Variants in SUPT3H observed in about 807,000 individuals in gnomAD.
The protein encoded by SUPT3H is SPT3 homolog, SAGA and STAGA complex component.
SUPT3H carries 44 observed loss-of-function variants against 44.3 expected under a neutral mutation model. The observed-to-expected ratio is 0.99, with a 90% CI of 0.78 to 1.28. SUPT3H has a LOEUF of 1.28. Ranked by LOEUF, SUPT3H falls within the 50% of genes most tolerant of loss-of-function variation. The pLI is 0.00. For synonymous variants in SUPT3H, 124 were observed against 125.6 expected, an observed-to-expected ratio of 0.99 and a Z score of 0.09; for missense variants, 380 against 387.1, an observed-to-expected ratio of 0.98 and a Z score of 0.15.
chr6:44,865,645 C>T (rs1775383248), intron 10 of SUPT3H, among the ~76,000 whole-genome samples: 1 of 152,132 alleles, frequency 6.6e-6, no homozygotes. Flanking sequence ...ATCACAAGAA[C>T]AGTATGGGAG....
At chr6:45,047,089 A>G (rs1345478669) in intron 3 of SUPT3H, among the ~76,000 whole-genome samples, 2 of 152,228 alleles carry the variant, frequency 1.3e-5, no homozygotes, top group African/African-American at 4.8e-5. Context: ...TTAATTCTAG[A>G]AAAACTTCTT....
At chr6:45,289,187 T>C (rs1027952764) in intron 2 of SUPT3H, among the ~76,000 whole-genome samples, 22 of 152,188 alleles carry the variant, frequency 1.4e-4, no homozygotes, top group African/African-American at 5.3e-4. Context: ...TTTTTTCAAA[T>C]TATCAACCCT....
chr6:44,886,946 A>G (rs1227847341), intron 10 of SUPT3H, among the ~76,000 whole-genome samples: 2 of 152,190 alleles, frequency 1.3e-5, no homozygotes, highest in Non-Finnish European at 2.9e-5. Context: ...ATGGAAAACA[A>G]AAAAAGGCAG....
At chr6:44,985,314 T>C (rs1327064821) in intron 6 of SUPT3H, among the ~76,000 whole-genome samples, 1 of 152,062 alleles carries the variant, frequency 6.6e-6, no homozygotes, top group African/African-American at 2.4e-5. Context: ...AGAGGATCGC[T>C]TGAGCTCAGT....
intron 2 of SUPT3H, among the ~76,000 whole-genome samples, chr6:45,133,152 C>CA (rs1365636702): frequency 6.6e-6 from 1 of 152,168 alleles, no homozygotes; most frequent in African/African-American, 2.4e-5. Context: ...GCTTAGCACA[C>CA]AAATTGAGAA....
chr6:45,050,954 G>A (rs1026085007), intron 3 of SUPT3H, among the ~76,000 whole-genome samples: 1 of 137,034 alleles, frequency 7.3e-6, no homozygotes, highest in Admixed American at 8.6e-5. Context: ...GCATGATCTC[G>A]ACTCACTGCA....
intron 3 of SUPT3H, among the ~76,000 whole-genome samples, chr6:45,079,052 T>C (rs1242141866): frequency 6.6e-6 from 1 of 152,152 alleles, no homozygotes; most frequent in African/African-American, 2.4e-5. Context: ...GGCTCATGCC[T>C]ATAATCCCAG....
chr6:45,016,732 C>A (rs1318923919), intron 4 of SUPT3H, among the ~76,000 whole-genome samples: 2 of 151,948 alleles, frequency 1.3e-5, no homozygotes, highest in Non-Finnish European at 2.9e-5. Context: ...TTTTCTTAAT[C>A]CAGTCTATCA....
chr6:45,176,413 C>T (rs927633652), intron 2 of SUPT3H, among the ~76,000 whole-genome samples: 27 of 152,206 alleles, frequency 1.8e-4, no homozygotes, highest in African/African-American at 2.6e-4. Context: ...ACACCTGGCT[C>T]GGAGGGTCCT....
At chr6:44,948,347 G>A (rs956673327) in intron 9 of SUPT3H, among the ~76,000 whole-genome samples, 6 of 152,098 alleles carry the variant, frequency 3.9e-5, no homozygotes, top group Non-Finnish European at 4.4e-5. Context: ...CTTCATGACT[G>A]AAACACCAAA....
At chr6:44,971,282 C>G (rs924771005) in intron 6 of SUPT3H, among the ~76,000 whole-genome samples, 1 of 152,108 alleles carries the variant, frequency 6.6e-6, no homozygotes, top group Non-Finnish European at 1.5e-5. Flanking sequence ...TAGTCCAAGC[C>G]ACCATCATCA....
chr6:44,817,829 T>A (rs985591905), intron 11 of SUPT3H, among the ~76,000 whole-genome samples: 3 of 152,126 alleles, frequency 2.0e-5, no homozygotes, highest in Admixed American at 6.6e-5. Context: ...GAGAAAAATT[T>A]AAAAAGACCT....
At chr6:44,958,266 C>A (rs1204480278) in intron 7 of SUPT3H, among the ~76,000 whole-genome samples, 2 of 152,078 alleles carry the variant, frequency 1.3e-5, no homozygotes, top group African/African-American at 4.8e-5. Context: ...TACTTTTTAT[C>A]TTTCTTATCA....
intron 3 of SUPT3H, among the ~76,000 whole-genome samples, chr6:45,045,299 G>T (rs1342607697): frequency 6.6e-6 from 1 of 152,064 alleles, no homozygotes; most frequent in Non-Finnish European, 1.5e-5. Context: ...TTCCTCCTCA[G>T]GAACTTCATC....
At chr6:44,819,239 T>C (rs566744532) in intron 11 of SUPT3H, among the ~76,000 whole-genome samples, 1 of 152,284 alleles carries the variant, frequency 6.6e-6, no homozygotes, top group South Asian at 2.1e-4. Flanking sequence ...CAACTTGATA[T>C]GGAATTATTG....
intron 2 of SUPT3H, among the ~76,000 whole-genome samples, chr6:45,208,701 G>C (rs1763589016): frequency 6.8e-6 from 1 of 146,772 alleles, no homozygotes. Flanking sequence ...TCCAGCCTGG[G>C]CAACACAGCA....
intron 2 of SUPT3H, among the ~76,000 whole-genome samples, chr6:45,232,968 G>A (rs770310987): frequency 6.6e-6 from 1 of 152,172 alleles, no homozygotes; most frequent in Non-Finnish European, 1.5e-5. Flanking sequence ...CTACATGTGA[G>A]AGCCTGAACA....
At chr6:44,918,902 A>G (rs1392534269) in intron 10 of SUPT3H, among the ~76,000 whole-genome samples, 1 of 152,164 alleles carries the variant, frequency 6.6e-6, no homozygotes, top group Non-Finnish European at 1.5e-5. Context: ...CATAAATCTG[A>G]AGGAGGGACA....
intron 6 of SUPT3H, among the ~76,000 whole-genome samples, chr6:44,967,788 AT>A (rs892696463): frequency 4.6e-5 from 7 of 151,872 alleles, no homozygotes; most frequent in Admixed American, 1.3e-4. Context: ...CTACTTCAAC[AT>A]TTTTTTCATT....
Sources: gnomAD v4.1 joint callset for allele counts (sites outside exome capture counted in the v4.1 genomes callset) on GRCh38, gnomAD v4.1.1 for gene constraint, MANE v1.5 for transcripts, NCBI Gene and HGNC (gene_info 2026-07-23, HGNC 2026-07-21) for gene names.